Variants in PEAK1 observed in about 807,000 individuals in gnomAD.
PEAK1 encodes the protein inactive tyrosine-protein kinase PEAK1.
Under a neutral mutation model 124.7 loss-of-function variants are expected in PEAK1, and 54 were observed. The ratio of observed to expected loss-of-function variants is 0.43; its 90% CI spans 0.35 to 0.54. PEAK1 has a LOEUF of 0.54. Among genes scored for constraint, PEAK1 ranks in the 20% least tolerant of loss-of-function variants. PEAK1 has a pLI of 0.01. For missense variants in PEAK1, 2,046 were observed against 2,134.5 expected (o/e 0.96, Z 0.82); for synonymous variants, 719 against 760.0 (o/e 0.95, Z 0.89).
rs181961051 is a variant in PEAK1, at chr15:77,405,195, G to A, written c.-666+14811C>T. Among the ~76,000 whole-genome samples the A allele has an allele frequency of 1.5e-4, 23 of 152,158 alleles. No individual in the cohort carries two copies. In the East Asian group the frequency reaches 4.3e-3, roughly 28 times the overall value. ...TAAGTTTTTGTGTTTTAGTAGGGAT[G>A]GGGTTTCATCATGTTGGCCAGGATG... On this transcript the variant is annotated intron_variant, in intron 1 of 9. Transcript: ENST00000682557.
intron 6 of PEAK1, among the ~76,000 whole-genome samples, chr15:77,185,531 G>A (rs1374201): frequency 0.22 from 33,673 of 152,106 alleles, 4,208 homozygotes; most frequent in Middle Eastern, 0.3. Flanking sequence ...CGGAAAATGA[G>A]GACTTACATA....
At chr15:77,134,190 C>T (rs912200570) in intron 8 of PEAK1, among the ~76,000 whole-genome samples, 7 of 152,214 alleles carry the variant, frequency 4.6e-5, no homozygotes, top group African/African-American at 1.7e-4. Flanking sequence ...AGAATTGAAA[C>T]TAGCAATGTG....
chr15:77,270,680 C>A (rs940742551), intron 5 of PEAK1, among the ~76,000 whole-genome samples: 1 of 152,052 alleles, frequency 6.6e-6, no homozygotes, highest in Non-Finnish European at 1.5e-5. Context: ...TCCATATGAA[C>A]TTTAAAGTAG....
At chr15:77,307,019 T>C (rs983721914) in intron 2 of PEAK1, among the ~76,000 whole-genome samples, 2 of 152,188 alleles carry the variant, frequency 1.3e-5, no homozygotes, top group Non-Finnish European at 2.9e-5. Flanking sequence ...CATAAGACTA[T>C]GTCAAATATT....
At chr15:77,236,527 T>C (rs1290515013) in intron 6 of PEAK1, among the ~76,000 whole-genome samples, 1 of 152,214 alleles carries the variant, frequency 6.6e-6, no homozygotes, top group Non-Finnish European at 1.5e-5. Context: ...AACTAACTTG[T>C]TTTTGACTTT....
chr15:77,247,509 G>C (rs1315398426), intron 6 of PEAK1, among the ~76,000 whole-genome samples: 1 of 32,328 alleles, frequency 3.1e-5, no homozygotes, highest in Non-Finnish European at 6.1e-5. Flanking sequence ...TTTTTTTTGA[G>C]ACAGAGTCTC....
chr15:77,228,345 T>G (rs1404995027), intron 6 of PEAK1, among the ~76,000 whole-genome samples: 1 of 152,186 alleles, frequency 6.6e-6, no homozygotes, highest in African/African-American at 2.4e-5. Flanking sequence ...CTAGCAGGCC[T>G]GTTCTGGGTC....
Position 77,226,044 on chromosome 15 carries a change from G to GATATATATAT in PEAK1, c.-115+26313_-115+26322dup, listed in dbSNP as rs1157824212. On this transcript the variant is annotated intron_variant, in intron 6 of 9. Transcript: ENST00000682557. ...CAGTCACAGCAACTGAAAATAAAGG[G>GATATATATAT]ATATATATATATATATATATATATA... 3.8e-3 allele frequency among the ~76,000 whole-genome samples: 170 copies of GATATATATAT among 44,902 alleles called. 1 individual carries two copies. Among genetic ancestry groups the GATATATATAT allele is most frequent in the South Asian group, 6.8e-3 (9 of 1,320 alleles). The allele number at this position is 44,902 out of a possible 152,430, so 29.5% of individuals were successfully genotyped here. A position where few individuals can be genotyped will look rare whatever the true frequency, so the allele number is the denominator to read the frequency against.
chr15:77,225,666 T>TATATATA (rs1555448933), intron 6 of PEAK1, among the ~76,000 whole-genome samples: 12 of 87,988 alleles, frequency 1.4e-4, no homozygotes, highest in Non-Finnish European at 1.4e-4. Flanking sequence ...TGTGTATAAT[T>TATATATA]TATATATATA....
rs1030544690 is a variant in PEAK1, at chr15:77,313,966, C to T, written c.-602-27462G>A. Reference sequence around the variant, plus strand: ...AGAAACCTGGCAAACACTACCTTAGCCAGTGAGCAAGGTTAACATCAACAG... The same window carrying T: ...AGAAACCTGGCAAACACTACCTTAGTCAGTGAGCAAGGTTAACATCAACAG... On this transcript the variant is annotated intron_variant, in intron 2 of 9. Coordinates refer to ENST00000682557, the MANE Select transcript of PEAK1 (RefSeq NM_001385026.1). Among the ~76,000 whole-genome samples, 3 of 151,824 alleles carry T rather than the reference C, an allele frequency of 2.0e-5. 1 individual carries two copies. The highest frequency in any genetic ancestry group is 7.3e-5 in the African/African-American group (3 of 41,282).
chr15:77,114,224 C>T lies in PEAK1; in HGVS notation c.5173G>A (p.Ala1725Thr). Reference protein sequence around the residue: ...GGISLEDWLCAQYLAFATTDS... With the variant: ...GGISLEDWLCTQYLAFATTDS... ...GTAGTGGCAAAAGCCAAATACTGAGCACAAAGCCAGTCCTCAAGGCTGATT... is the reference window on the plus strand; with the variant it reads ...GTAGTGGCAAAAGCCAAATACTGAGTACAAAGCCAGTCCTCAAGGCTGATT... The change falls in exon 10 of 10, where the codon GCT becomes ACT. Residue 1725 changes from alanine to threonine, a missense_variant. Ala to Thr is a moderately conservative substitution (Grantham distance 58, BLOSUM62 0). Coordinates refer to ENST00000682557, the MANE Select transcript of PEAK1 (RefSeq NM_001385026.1). 6.2e-7 allele frequency: 1 copy of T among 1,614,206 alleles called. No homozygotes were observed. Among genetic ancestry groups the T allele is most frequent in the Non-Finnish European group, 8.5e-7 (1 of 1,180,038 alleles).
At chr15:77,296,282 C>CAGGGCGAGA (rs1424972544) in intron 2 of PEAK1, among the ~76,000 whole-genome samples, 1 of 149,432 alleles carries the variant, frequency 6.7e-6, no homozygotes, top group African/African-American at 2.6e-5. Flanking sequence ...TTACATATGC[C>CAGGGCGAGA]CTGAAATTAT....
intron 2 of PEAK1, among the ~76,000 whole-genome samples, chr15:77,310,370 A>C (rs2064364214): frequency 6.6e-6 from 1 of 152,172 alleles, no homozygotes; most frequent in African/African-American, 2.4e-5. Flanking sequence ...ATTACTTAGA[A>C]CTTTTCTGAA....
intron 2 of PEAK1, among the ~76,000 whole-genome samples, chr15:77,357,163 T>C (rs2067572414): frequency 6.6e-6 from 1 of 152,172 alleles, no homozygotes. Context: ...CCCAGTTACT[T>C]GGGAGGTGAA....
At chr15:77,418,366 T>C (rs1328116586) in intron 1 of PEAK1, 1 of 985,040 alleles carries the variant, frequency 1.0e-6, no homozygotes, top group African/African-American at 1.7e-5. Flanking sequence ...CATAATGTAG[T>C]CATGTTAGAG....
chr15:77,197,660 A>G (rs1164126787), intron 6 of PEAK1, among the ~76,000 whole-genome samples: 1 of 152,218 alleles, frequency 6.6e-6, no homozygotes, highest in African/African-American at 2.4e-5. Context: ...AAAACAAGAC[A>G]TCAAAACCAA....
At chr15:77,345,603 A>T (rs2066824448) in intron 2 of PEAK1, among the ~76,000 whole-genome samples, 1 of 152,224 alleles carries the variant, frequency 6.6e-6, no homozygotes, top group African/African-American at 2.4e-5. Flanking sequence ...ACTTCATTTG[A>T]TAACACTGCG....
At chr15:77,356,064 C>T (rs1033171722) in intron 2 of PEAK1, 56 of 388,406 alleles carry the variant, frequency 1.4e-4, no homozygotes, top group East Asian at 1.6e-4. Context: ...TGGCCCCAAA[C>T]GTGCATTACT....
intron 1 of PEAK1, chr15:77,418,826 G>C: frequency 1.0e-6 from 1 of 984,804 alleles, no homozygotes; most frequent in Non-Finnish European, 1.2e-6. Flanking sequence ...TCATTTATCG[G>C]GGGAAAAAAA....
Sources: gnomAD v4.1 joint callset for allele counts (sites outside exome capture counted in the v4.1 genomes callset) on GRCh38, gnomAD v4.1.1 for gene constraint, MANE v1.5 for transcripts, NCBI Gene and HGNC (gene_info 2026-07-23, HGNC 2026-07-21) for gene names.